Variants in SLC17A5 observed in about 807,000 individuals in gnomAD.
SLC17A5 encodes solute carrier family 17 member 5.
Under a neutral mutation model 59.4 loss-of-function variants are expected in SLC17A5, and 47 were observed. The observed-to-expected ratio is 0.79, with a 90% CI of 0.63 to 1.01. The LOEUF (loss-of-function observed/expected upper bound fraction) is 1.01. Ranked by LOEUF, SLC17A5 falls within the 50% of genes least tolerant of loss-of-function variation. The pLI is 0.00. For missense variants in SLC17A5, 522 were observed against 595.5 expected (o/e 0.88, Z 1.28); for synonymous variants, 202 against 210.7 (o/e 0.96, Z 0.36).
Position 73,644,553 on chromosome 6 carries a change from C to CA in SLC17A5, c.144dup (p.Gly49TrpfsTer29), listed in dbSNP as rs1562000876. On this transcript the variant is annotated frameshift_variant, in exon 2 of 11. Transcript: ENST00000355773. LOFTEE classifies it high-confidence loss of function. The stretch of plus-strand genomic sequence containing the variant: ...CGTAATGCATACACAATGAAGAAAC[C>CA]AAAAAAGGCCAAAATTGCTAAGTTG... The CA allele has an allele frequency of 6.2e-7, 1 of 1,613,964 alleles. No homozygotes were observed. The highest frequency in any genetic ancestry group is 1.1e-5 in the South Asian group (1 of 91,054).
intron 1 of SLC17A5, among the ~76,000 whole-genome samples, chr6:73,650,509 A>T: frequency 8.1e-6 from 1 of 123,404 alleles, no homozygotes; most frequent in East Asian, 2.2e-4. Flanking sequence ...CTCCGTCTCA[A>T]AAAAAAAAAA....
intron 2 of SLC17A5, among the ~76,000 whole-genome samples, chr6:73,644,200 C>T (rs924900941): frequency 2.0e-5 from 3 of 152,130 alleles, no homozygotes; most frequent in African/African-American, 4.8e-5. Context: ...ACTTTTCAAA[C>T]AGATGAAGGT....
chr6:73,619,125 C>T (rs569580474), intron 7 of SLC17A5, among the ~76,000 whole-genome samples: 89 of 152,048 alleles, frequency 5.9e-4, no homozygotes, highest in African/African-American at 2.1e-3. Context: ...TTGGCAGAGC[C>T]GTCAGAAGAC....
rs980853857 is a variant in SLC17A5 at position 73,604,904 on chromosome 6, A to G, written c.1260-4463T>C. Among the ~76,000 whole-genome samples the G allele has an allele frequency of 2.6e-5, 4 of 152,206 alleles. No homozygotes were observed. In the East Asian group the frequency reaches 7.7e-4, roughly 29 times the overall value. ...TACTGACTATGTATTGGAAAACCTG[A>G]TATCAGACATGTTTATAAGGGTTTT... is the stretch of plus-strand genomic sequence containing the variant. On this transcript the variant is annotated intron_variant, in intron 9 of 10. Coordinates refer to ENST00000355773, the MANE Select transcript of SLC17A5 (RefSeq NM_012434.5).
At chr6:73,605,829 TAGC>T (rs1055139365) in intron 9 of SLC17A5, among the ~76,000 whole-genome samples, 1 of 151,596 alleles carries the variant, frequency 6.6e-6, no homozygotes, top group Non-Finnish European at 1.5e-5. Flanking sequence ...AATACAAAAT[TAGC>T]AGGGTGTGGT....
intron 9 of SLC17A5, among the ~76,000 whole-genome samples, chr6:73,602,466 C>CA (rs1246297918): frequency 4.6e-5 from 7 of 151,480 alleles, no homozygotes; most frequent in Admixed American, 2.0e-4. Flanking sequence ...ACAACAACAA[C>CA]AACAAAAAAC....
intron 4 of SLC17A5, among the ~76,000 whole-genome samples, chr6:73,637,254 C>T (rs1186744855): frequency 1.3e-5 from 2 of 152,098 alleles, no homozygotes; most frequent in African/African-American, 4.8e-5. Context: ...ATAGGTTGGA[C>T]AGTTGAACAG....
At chr6:73,616,650 C>G (rs570007636) in intron 7 of SLC17A5, among the ~76,000 whole-genome samples, 1 of 150,670 alleles carries the variant, frequency 6.6e-6, no homozygotes, top group Admixed American at 6.6e-5. Flanking sequence ...GCTCTGTTGC[C>G]TAGGCTGGAG....
chr6:73,620,448 G>A (rs1194560057), intron 7 of SLC17A5, among the ~76,000 whole-genome samples: 1 of 152,184 alleles, frequency 6.6e-6, no homozygotes, highest in Non-Finnish European at 1.5e-5. Context: ...TGCTCACAAT[G>A]AATCCATCCC....
chr6:73,599,612 C>T lies in SLC17A5; in HGVS notation c.1350+739G>A, dbSNP rs1027833795. Among the ~76,000 whole-genome samples the T allele has an allele frequency of 4.6e-5, 7 of 152,172 alleles. 1 individual carries two copies. In the East Asian group the frequency reaches 1.3e-3, roughly 29 times the overall value. On this transcript the variant is annotated intron_variant, in intron 10 of 10. Coordinates refer to ENST00000355773, the MANE Select transcript of SLC17A5 (RefSeq NM_012434.5). ...CATTTTGGACATGTCCATATTGAGA[C>T]ACAGAACTTTAGAAAAAGCATTTCT...
At position 73,621,806 on chromosome 6, in the gene SLC17A5, C is replaced by T. The variant is rs745386414; in HGVS notation, c.976G>A (p.Glu326Lys). The part of the protein sequence containing the change: ...MKEILRFNVQ[E>K]NGFLSSLPYL... ...AGCAGATGATTATTTTTTCTTACCT[C>T]TTGAACATTGAACCTTAGGATCTCC... Residue 326 changes from glutamate to lysine, a missense_variant and splice_region_variant, in exon 7 of 11, where the codon GAG becomes AAG. Glu to Lys is a moderately conservative substitution (Grantham distance 56). This residue lies in a region of SLC17A5 where 31 missense variants were observed against 63.2 expected (regional missense o/e 0.49). Transcript: ENST00000355773. The T allele has an allele frequency of 6.2e-7, 1 of 1,605,148 alleles. No homozygotes were observed. The highest frequency in any genetic ancestry group is 1.1e-5 in the South Asian group (1 of 90,808).
intron 7 of SLC17A5, among the ~76,000 whole-genome samples, chr6:73,618,899 T>C (rs1768003471): frequency 1.3e-5 from 2 of 152,068 alleles, no homozygotes; most frequent in African/African-American, 4.8e-5. Flanking sequence ...TAACTTCTTT[T>C]GTATTTTAGT....
rs188231098 is a variant in SLC17A5 at position 73,626,619 on chromosome 6, C to T, written c.820-4657G>A. On this transcript the variant is annotated intron_variant, in intron 6 of 10. Transcript: ENST00000355773. Reference sequence around the variant, plus strand: ...AGGTAGTGCTGTCCAGTAGAACTTTCCATGATGATGGAAATGTTTTATATG... The same window carrying T: ...AGGTAGTGCTGTCCAGTAGAACTTTTCATGATGATGGAAATGTTTTATATG... Among the ~76,000 whole-genome samples the T allele has an allele frequency of 4.5e-3, 690 of 152,222 alleles. 3 individuals carry two copies. Among genetic ancestry groups the T allele is most frequent in the Non-Finnish European group, 7.7e-3 (526 of 68,018 alleles).
intron 6 of SLC17A5, among the ~76,000 whole-genome samples, chr6:73,632,374 A>T (rs1768778541): frequency 6.8e-6 from 1 of 146,988 alleles, no homozygotes. Flanking sequence ...CTTTTTCCGA[A>T]GTGTGTCGAG....
chr6:73,601,071 C>T (rs1188651574), intron 9 of SLC17A5, among the ~76,000 whole-genome samples: 5 of 148,836 alleles, frequency 3.4e-5, no homozygotes, highest in African/African-American at 5.0e-5. Context: ...CGTCTCTGCC[C>T]GGCCGCCATC....
Position 73,598,876 on chromosome 6 carries a change from C to T in SLC17A5, c.1350+1475G>A, listed in dbSNP as rs191917930. 9.4e-4 allele frequency among the ~76,000 whole-genome samples: 141 copies of T among 150,338 alleles called. No individual in the cohort carries two copies. In the East Asian group the frequency reaches 0.024, roughly 26 times the overall value. On this transcript the variant is annotated intron_variant, in intron 10 of 10. Transcript: ENST00000355773. ...GCACATGCCTGTAATCCCAGCTATT[C>T]GGGAGGCTGAGGCAGGAAAATCGCC...
In SLC17A5 at chr6:73,641,933, A is replaced by G. The variant is rs1191262260; in HGVS notation, c.292-9T>C. 1 of 1,609,256 alleles carries G rather than the reference A, an allele frequency of 6.2e-7. No homozygotes were observed. Among genetic ancestry groups the G allele is most frequent in the Admixed American group, 1.7e-5 (1 of 60,002 alleles). On this transcript the variant is annotated splice_polypyrimidine_tract_variant and intron_variant, in intron 2 of 10. Coordinates refer to ENST00000355773, the MANE Select transcript of SLC17A5 (RefSeq NM_012434.5). ...CATTGGTACTTCTTACCCTACAAAA[A>G]TCAGAAAAGAATAAAACAATCCTTT...
intron 7 of SLC17A5, chr6:73,618,333 C>T (rs937688158): frequency 1.7e-5 from 4 of 238,414 alleles, no homozygotes; most frequent in East Asian, 8.0e-5. Flanking sequence ...GACGACCTAC[C>T]GACGAGAACA....
chr6:73,606,850 C>T (rs555205572), intron 9 of SLC17A5, among the ~76,000 whole-genome samples: 16 of 152,358 alleles, frequency 1.1e-4, no homozygotes, highest in African/African-American at 3.6e-4. Context: ...ATTCATCTTT[C>T]TCCACCTTGT....
Sources: allele counts gnomAD v4.1 joint callset (sites outside exome capture counted in the v4.1 genomes callset), GRCh38; gene constraint gnomAD v4.1.1; regional missense constraint gnomAD v4.1.1; transcripts MANE v1.5; gene names NCBI Gene and HGNC (gene_info 2026-07-23, HGNC 2026-07-21).